The following LCT variants were observed in gnomAD, a reference collection of about 807,000 sequenced individuals.
LCT encodes the protein lactase.
A neutral mutation model predicts 173.0 loss-of-function variants in LCT; 90 were observed. The observed-to-expected ratio is 0.52, with a 90% CI of 0.44 to 0.62. The LOEUF (loss-of-function observed/expected upper bound fraction) is 0.62. LCT is among the 20% of genes least tolerant of loss of function. The pLI is 0.00. For synonymous variants in LCT, 853 were observed against 957.6 expected (o/e 0.89, Z 2.02); for missense variants, 1,864 against 2,431.4 (o/e 0.77, Z 4.91).
chr2:135,809,648 T>C lies in LCT; in HGVS notation c.2699A>G (p.His900Arg), dbSNP rs2077716266. 1 of 1,614,228 alleles carries C rather than the reference T, an allele frequency of 6.2e-7. No homozygotes were observed. The highest frequency in any genetic ancestry group is 1.3e-5 in the African/African-American group (1 of 75,058). ...CAGAAAGTCATCCCGAAACGTCCCG[T>C]GGTAGAACAAATCTCTTTCGAACTT... ...QPKFERDLFY[H>R]GTFRDDFLWG... Residue 900 changes from histidine (H) to arginine (R), a missense_variant, in exon 8 of 17, where the codon CAC (histidine) becomes CGC (arginine). His to Arg is a conservative substitution (Grantham distance 29). This residue lies in a region of LCT where 755 missense variants were observed against 926.3 expected (regional missense o/e 0.82). Coordinates refer to ENST00000264162, the MANE Select transcript of LCT (RefSeq NM_002299.4). This position sits in a 1 kb window ranked among gnomAD's most constrained non-coding sequence, Gnocchi z 5.5.
chr2:135,817,228 A>G lies in LCT; in HGVS notation c.1707+113T>C, dbSNP rs542784499. On this transcript the variant is annotated intron_variant, in intron 6 of 16. Transcript: ENST00000264162. ...TTCCTTCCCTCCCCGATTTCCTTTA[A>G]AGAAAGAACAAAAAGTAAAGGCTTG... 1.1e-4 allele frequency: 151 copies of G among 1,316,434 alleles called. 2 individuals are homozygous for G. The South Asian group carries it at 2.0e-3, about 17-fold the overall frequency. 81.5% of individuals were successfully genotyped at this position (1,316,434 alleles called of 1,614,324 possible).
At position 135,827,221 on chromosome 2, in the gene LCT, C is replaced by T. The variant is rs184552906; in HGVS notation, c.804+2372G>A. 3.9e-5 allele frequency among the ~76,000 whole-genome samples: 6 copies of T among 152,288 alleles called. No homozygotes were observed. In the East Asian group the frequency reaches 7.7e-4, roughly 20 times the overall value. ...CTTGAACTCCTGGCCTCAAGTGATC[C>T]GCCTGCCTCAACCTCCCAAAGTGCT... On this transcript the variant is annotated intron_variant, in intron 3 of 16. Coordinates refer to ENST00000264162, the MANE Select transcript of LCT (RefSeq NM_002299.4).
Position 135,805,063 on chromosome 2 carries a change from G to C in LCT, c.4174-6C>G. On this transcript the variant is annotated splice_region_variant and splice_polypyrimidine_tract_variant and intron_variant, in intron 9 of 16. Coordinates refer to ENST00000264162, the MANE Select transcript of LCT (RefSeq NM_002299.4). ...GCTCTCCACGCACCTTCAATCTCAA[G>C]ATGACAAGACATGGTCTTATTAAGT... 6.2e-7 allele frequency: 1 copy of C among 1,613,972 alleles called. No homozygotes were observed. The highest frequency in any genetic ancestry group is 8.5e-7 in the Non-Finnish European group (1 of 1,179,818).
chr2:135,832,610 G>A (rs1016063479), intron 2 of LCT, among the ~76,000 whole-genome samples: 5 of 150,962 alleles, frequency 3.3e-5, no homozygotes, highest in South Asian at 2.1e-4. Context: ...TCATCCTCCC[G>A]AGCAGCTGGA....
chr2:135,797,605 C>CTCCT (rs1332463813), intron 13 of LCT, among the ~76,000 whole-genome samples: 3 of 152,208 alleles, frequency 2.0e-5, no homozygotes, highest in Non-Finnish European at 4.4e-5. Flanking sequence ...AATGTTGCTA[C>CTCCT]TCCTTCCTTG....
At chr2:135,824,150 C>G in intron 3 of LCT, 147 bp from the exon 4 acceptor site, 2 of 694,792 alleles carry the variant, frequency 2.9e-6, no homozygotes, top group Admixed American at 4.2e-5. Context: ...AAGGAGTCAA[C>G]TCTAGACTCT....
At position 135,800,639 on chromosome 2, in the gene LCT, C is replaced by T. The variant is rs386833835; in HGVS notation, c.4834G>A (p.Glu1612Lys). The T allele has an allele frequency of 6.2e-7, 1 of 1,612,808 alleles. No individual in the cohort carries two copies. The highest frequency in any genetic ancestry group is 1.7e-5 in the Admixed American group (1 of 60,026). ...WAEPRDPSNQ[E>K]DVEAARRYVQ... ...TATCTCCTGGCTGCCTCCACATCCT[C>T]CTGGTTAGAGGGATCTCTGGGTTCA... The change falls in exon 12 of 17, where the codon GAG becomes AAG. Residue 1612 changes from glutamate (E) to lysine (K), a missense_variant. This residue lies in a region of LCT where 514 missense variants were observed against 750.1 expected (regional missense o/e 0.69). Transcript: ENST00000264162.
intron 1 of LCT, among the ~76,000 whole-genome samples, chr2:135,834,736 C>T (rs1419806064): frequency 8.4e-6 from 1 of 118,504 alleles, no homozygotes. Flanking sequence ...TGCAGTGAGC[C>T]GAGATCACAC....
At position 135,809,584 on chromosome 2, in the gene LCT, C is replaced by A. The variant is rs116951780; in HGVS notation, c.2763G>T (p.Ala921=). The change falls in exon 8 of 17, where the codon GCG becomes GCT. Residue 921 remains alanine (A), a synonymous_variant. Transcript: ENST00000264162. This position sits in a 1 kb window ranked among gnomAD's most constrained non-coding sequence, Gnocchi z 5.5. The part of the protein sequence containing the change: ...VSSSAYQIEG[A]WDADGKGPSI... The stretch of plus-strand genomic sequence containing the variant: ...TGGGGCCTTTGCCATCGGCATCCCA[C>A]GCGCCTTCAATCTGATAAGCGGAAG... 1 of 1,614,198 alleles carries A rather than the reference C, an allele frequency of 6.2e-7. No homozygotes were observed.
rs190978059 is a variant in LCT, at chr2:135,805,023, A to G, written c.4208T>C (p.Leu1403Pro). The G allele has an allele frequency of 6.2e-7, 1 of 1,614,212 alleles. No individual in the cohort carries two copies. The highest frequency in any genetic ancestry group is 2.2e-5 in the East Asian group (1 of 44,884). ...GTGAGAAAACGTGTCCCAAATGCTG[A>G]GTCCTTTGCCATCTGCTCTCCACGC... ...EGAWRADGKG[L>P]SIWDTFSHTP... The change falls in exon 10 of 17, where the codon CTC (leucine) becomes CCC (proline). Residue 1403 changes from leucine to proline, a missense_variant. By Grantham distance (98) the Leu-to-Pro change is moderately conservative. Transcript: ENST00000264162.
chr2:135,790,371 G>C lies in LCT; in HGVS notation c.5335+287C>G, dbSNP rs760864984. Among the ~76,000 whole-genome samples the C allele has an allele frequency of 3.6e-4, 55 of 152,158 alleles. No individual in the cohort carries two copies. The highest frequency in any genetic ancestry group is 6.5e-4 in the Non-Finnish European group (44 of 68,038). Reference sequence around the variant, plus strand: ...TGGGCCCTACCCAGACCATTCTCAGGAGGGCACTGCTGTTCCGACATCAGG... The same window carrying C: ...TGGGCCCTACCCAGACCATTCTCAGCAGGGCACTGCTGTTCCGACATCAGG... On this transcript the variant is annotated intron_variant, in intron 15 of 16. Transcript: ENST00000264162. This position sits in a 1 kb window ranked among gnomAD's most constrained non-coding sequence, Gnocchi z 4.1.
intron 8 of LCT, 90 bp downstream of exon 8, chr2:135,808,353 G>A: frequency 1.0e-6 from 1 of 1,004,194 alleles, no homozygotes; most frequent in Non-Finnish European, 1.6e-6. Context: ...ATCTATTGAT[G>A]GTTCATAAAT....
At chr2:135,824,034 G>T (rs1216439088) in intron 3 of LCT, 31 bp from the exon 4 acceptor site, 2 of 1,397,922 alleles carry the variant, frequency 1.4e-6, no homozygotes, top group Non-Finnish European at 2.0e-6. Flanking sequence ...CAAGTGAACT[G>T]AAGCCTCCTG....
intron 13 of LCT, among the ~76,000 whole-genome samples, chr2:135,795,224 T>G (rs1350089034): frequency 1.3e-5 from 2 of 152,102 alleles, no homozygotes; most frequent in Non-Finnish European, 2.9e-5. Flanking sequence ...TTTTTTTTTT[T>G]TGTGGCTGAG....
At chr2:135,818,184 A>G (rs992349449) in intron 5 of LCT, 123 bp from the exon 6 acceptor site, 2 of 1,177,340 alleles carry the variant, frequency 1.7e-6, no homozygotes, top group East Asian at 2.4e-5. Context: ...GTCAAAAGTC[A>G]TATCTGCAAA....
chr2:135,823,823 C>T, intron 4 of LCT, 78 bp downstream of exon 4: 1 of 980,366 alleles, frequency 1.0e-6, no homozygotes, highest in Non-Finnish European at 1.6e-6. Context: ...CATTGGAACC[C>T]CGGACTTTCA....
intron 9 of LCT, among the ~76,000 whole-genome samples, chr2:135,806,167 TTA>T (rs1392120348): frequency 3.9e-5 from 6 of 152,140 alleles, no homozygotes. Context: ...TTTGATTTTT[TTA>T]TAGAGATAGG....
At chr2:135,815,293 C>T (rs920146086) in intron 6 of LCT, among the ~76,000 whole-genome samples, 3 of 152,154 alleles carry the variant, frequency 2.0e-5, no homozygotes, top group African/African-American at 7.2e-5. Flanking sequence ...GGGACTTTCT[C>T]ATCAAAGTCT....
At chr2:135,806,210 G>A (rs1295036506) in intron 9 of LCT, among the ~76,000 whole-genome samples, 1 of 152,010 alleles carries the variant, frequency 6.6e-6, no homozygotes. Flanking sequence ...GGCTGGTTTT[G>A]AACTCCTCGT....
Sources: allele counts gnomAD v4.1 joint callset (sites outside exome capture counted in the v4.1 genomes callset), GRCh38; gene constraint gnomAD v4.1.1; regional missense constraint gnomAD v4.1.1; non-coding constraint Gnocchi (gnomAD v3.1); transcripts MANE v1.5; gene names NCBI Gene and HGNC (gene_info 2026-07-23, HGNC 2026-07-21).